The following SCN8A variants were observed in gnomAD, a reference collection of about 807,000 sequenced individuals.
SCN8A encodes the protein sodium channel protein type 8 subunit alpha.
A neutral mutation model predicts 184.1 loss-of-function variants in SCN8A; 30 were observed. The observed-to-expected ratio is 0.16, with a 90% CI of 0.12 to 0.22. The LOEUF is 0.22. Ranked by LOEUF, SCN8A falls within the 10% of genes least tolerant of loss-of-function variation. SCN8A has a pLI of 1.00. For missense variants in SCN8A, 1,057 were observed against 2,498.9 expected, an observed-to-expected ratio of 0.42 and a Z score of 12.30; for synonymous variants, 852 against 907.0, an observed-to-expected ratio of 0.94 and a Z score of 1.09.
intron 1 of SCN8A, among the ~76,000 whole-genome samples, chr12:51,619,915 A>C (rs1049052649): frequency 6.6e-6 from 1 of 152,216 alleles, no homozygotes; most frequent in African/African-American, 2.4e-5. Flanking sequence ...CTACACAAGC[A>C]TGTCTGTATT....
chr12:51,756,404 C>T (rs1395296638), intron 14 of SCN8A, among the ~76,000 whole-genome samples: 1 of 152,214 alleles, frequency 6.6e-6, no homozygotes, highest in Non-Finnish European at 1.5e-5. Flanking sequence ...CTCATCAGCT[C>T]ACCTGGCTCT....
intron 12 of SCN8A, 153 bp downstream of exon 12, chr12:51,722,061 C>T (rs1282340862): frequency 3.3e-6 from 4 of 1,208,634 alleles, no homozygotes; most frequent in Non-Finnish European, 4.7e-6. Context: ...CTGTTAACAC[C>T]CCAGCCATTT....
chr12:51,767,183 A>T (rs1025771525), intron 16 of SCN8A, among the ~76,000 whole-genome samples: 2 of 152,232 alleles, frequency 1.3e-5, no homozygotes, highest in Non-Finnish European at 2.9e-5. Flanking sequence ...TTCAGTGACT[A>T]TAACAATGGC....
intron 2 of SCN8A, among the ~76,000 whole-genome samples, chr12:51,664,929 G>C (rs1941003143): frequency 2.0e-5 from 3 of 151,974 alleles, no homozygotes; most frequent in African/African-American, 7.3e-5. Context: ...TCCCTCCCAT[G>C]TGTCCATGTG....
intron 2 of SCN8A, among the ~76,000 whole-genome samples, chr12:51,671,193 C>A (rs1380546935): frequency 6.6e-6 from 1 of 152,022 alleles, no homozygotes; most frequent in African/African-American, 2.4e-5. Context: ...GAGCATTTGC[C>A]CCTCTTGGAT....
intron 1 of SCN8A, among the ~76,000 whole-genome samples, chr12:51,608,021 C>CTTTTTT (rs749172465): frequency 4.2e-4 from 56 of 133,462 alleles, no homozygotes; most frequent in African/African-American, 1.4e-3. Flanking sequence ...TTTCTTTTTC[C>CTTTTTT]TTTTTTTTTT....
intron 2 of SCN8A, among the ~76,000 whole-genome samples, chr12:51,683,361 G>A (rs146065501): frequency 1.0e-3 from 156 of 152,312 alleles, no homozygotes; most frequent in African/African-American, 3.7e-3. Flanking sequence ...AACCTGTTCC[G>A]AGGACATGAG....
chr12:51,774,439 G>GC, intron 20 of SCN8A, 77 bp downstream of exon 20: 1 of 1,403,922 alleles, frequency 7.1e-7, no homozygotes, highest in Non-Finnish European at 9.7e-7. Context: ...TCTAATGGCA[G>GC]TAGCTGCCCT....
chr12:51,744,603 T>G (rs1279654746), intron 12 of SCN8A, among the ~76,000 whole-genome samples: 1 of 150,610 alleles, frequency 6.6e-6, no homozygotes, highest in Non-Finnish European at 1.5e-5. Context: ...TGAAACGGTC[T>G]GATGAAACAC....
rs1216788940 is a variant in SCN8A, at chr12:51,769,873, A to G, written c.3378A>G (p.Leu1126=). 6.3e-7 allele frequency: 1 copy of G among 1,595,140 alleles called. No individual in the cohort carries two copies. The highest frequency in any genetic ancestry group is 1.7e-5 in the Admixed American group (1 of 57,380). ...CCTTTTCCTTGCGTGTCTAGAAACT[A>G]GATGACACCAGCTCCTCTGAAGGAA... ...ESDPEGSKDK[L]DDTSSSEGST... Residue 1126 remains leucine (L), a synonymous_variant, in exon 18 of 27, where the codon CTA becomes CTG. Coordinates refer to ENST00000627620, the MANE Select transcript of SCN8A (RefSeq NM_001330260.2).
At chr12:51,665,501 G>A (rs1808761526) in intron 2 of SCN8A, among the ~76,000 whole-genome samples, 1 of 152,116 alleles carries the variant, frequency 6.6e-6, no homozygotes, top group African/African-American at 2.4e-5. Flanking sequence ...CAAACTAACA[G>A]CATGTCAAGA....
At position 51,806,833 on chromosome 12, in the gene SCN8A, G is replaced by A; in HGVS notation, c.5347G>A (p.Asp1783Asn). Residue 1783 changes from aspartate (D) to asparagine (N), a missense_variant, in exon 27 of 27, where the codon GAT becomes AAT. Asp to Asn is a conservative substitution (Grantham distance 23, BLOSUM62 1). This residue lies in a region of SCN8A where 50 missense variants were observed against 125.8 expected (regional missense o/e 0.40). Coordinates refer to ENST00000627620, the MANE Select transcript of SCN8A (RefSeq NM_001330260.2). The surrounding 1 kb of genome is among the most constrained non-coding windows in gnomAD (Gnocchi z 8.7). ...GGAAAGTGCAGACCCTCTGAGTGAG[G>A]ATGACTTTGAGACCTTCTATGAGAT... Reference protein sequence around the residue: ...TEESADPLSEDDFETFYEIWE... With the variant: ...TEESADPLSENDFETFYEIWE... 6.2e-7 allele frequency: 1 copy of A among 1,614,186 alleles called. No homozygotes were observed. The highest frequency in any genetic ancestry group is 8.5e-7 in the Non-Finnish European group (1 of 1,180,032).
At chr12:51,795,404 T>G (rs190907849) in intron 26 of SCN8A, among the ~76,000 whole-genome samples, 32 of 152,370 alleles carry the variant, frequency 2.1e-4, no homozygotes, top group African/African-American at 7.5e-4. Context: ...GAAAGGCATC[T>G]TTTGTGATAA....
chr12:51,751,724 A>T (rs1036578189), intron 14 of SCN8A, 131 bp downstream of exon 14: 5 of 688,728 alleles, frequency 7.3e-6, no homozygotes, highest in Non-Finnish European at 1.2e-5. Flanking sequence ...AAATGCTTCC[A>T]CATATGCCAG....
rs566377076 is a variant in SCN8A at position 51,604,592 on chromosome 12, C to A, written c.-55+13233C>A. 9.0e-4 allele frequency among the ~76,000 whole-genome samples: 137 copies of A among 152,166 alleles called. No individual in the cohort carries two copies. In the Middle Eastern group the frequency reaches 0.017, roughly 19 times the overall value. On this transcript the variant is annotated intron_variant, in intron 1 of 26. Coordinates refer to ENST00000627620, the MANE Select transcript of SCN8A (RefSeq NM_001330260.2). ...GTTGCCCAGGCTGGAGTGCATGTCA[C>A]GATCTCAGCTCACCGCAACCTCCGC...
At chr12:51,729,789 G>A (rs931037450) in intron 12 of SCN8A, among the ~76,000 whole-genome samples, 2 of 152,156 alleles carry the variant, frequency 1.3e-5, no homozygotes, top group African/African-American at 4.8e-5. Context: ...CACCAACAAT[G>A]TATTAGGGTT....
At chr12:51,598,453 T>G (rs949521668) in intron 1 of SCN8A, among the ~76,000 whole-genome samples, 7 of 152,194 alleles carry the variant, frequency 4.6e-5, no homozygotes, top group Non-Finnish European at 1.0e-4. Flanking sequence ...AATTGCTTTC[T>G]TTATCTGATC....
At chr12:51,802,140 T>A (rs564435990) in intron 26 of SCN8A, among the ~76,000 whole-genome samples, 2 of 152,182 alleles carry the variant, frequency 1.3e-5, no homozygotes. Flanking sequence ...AGAGCTGCCA[T>A]GACTTGAGTC....
chr12:51,642,867 C>T (rs1336743749), intron 1 of SCN8A, among the ~76,000 whole-genome samples: 1 of 151,842 alleles, frequency 6.6e-6, no homozygotes, highest in Non-Finnish European at 1.5e-5. Flanking sequence ...AGGATATCCT[C>T]CAGTAACCAT....
Sources: gnomAD v4.1 joint callset for allele counts (sites outside exome capture counted in the v4.1 genomes callset) on GRCh38, gnomAD v4.1.1 for gene constraint, gnomAD v4.1.1 regional missense constraint, Gnocchi (gnomAD v3.1) non-coding constraint, MANE v1.5 for transcripts, NCBI Gene and HGNC (gene_info 2026-07-23, HGNC 2026-07-21) for gene names.